AHNAK: variants seen among roughly 807,000 people sequenced by gnomAD.
AHNAK encodes neuroblast differentiation-associated protein AHNAK.
A neutral mutation model predicts 37.8 loss-of-function variants in AHNAK; 23 were observed. That is an observed-to-expected ratio of 0.61 (90% confidence interval 0.44 to 0.86). The LOEUF is 0.86. AHNAK is among the 40% of genes least tolerant of loss of function. AHNAK has a pLI of 0.00. For missense variants in AHNAK, 7,411 were observed against 7,319.4 expected (o/e 1.01, Z -0.46); for synonymous variants, 2,481 against 2,636.3 (o/e 0.94, Z 1.80).
intron 5 of AHNAK, among the ~76,000 whole-genome samples, chr11:62,451,079 G>C (rs1384019763): frequency 6.7e-6 from 1 of 149,990 alleles, no homozygotes; most frequent in Non-Finnish European, 1.5e-5. Flanking sequence ...GTTCTTCCTG[G>C]AATCTTTTTT....
intron 5 of AHNAK, among the ~76,000 whole-genome samples, chr11:62,438,407 T>A (rs1565194155): frequency 6.6e-6 from 1 of 152,054 alleles, no homozygotes; most frequent in Non-Finnish European, 1.5e-5. Context: ...GGTCTCGAAC[T>A]CCTGACAGGT....
intron 4 of AHNAK, among the ~76,000 whole-genome samples, chr11:62,502,821 T>C (rs563521623): frequency 6.6e-6 from 1 of 152,050 alleles, no homozygotes; most frequent in Non-Finnish European, 1.5e-5. Flanking sequence ...GAGAAGAGTA[T>C]GTTAAAAGAG....
At position 62,472,773 on chromosome 11, in the gene AHNAK, C is replaced by A. The variant is rs1393008075; in HGVS notation, c.442+18959G>T. 5.9e-5 allele frequency among the ~76,000 whole-genome samples: 9 copies of A among 152,146 alleles called. No individual in the cohort carries two copies. In the East Asian group the frequency reaches 1.5e-3, roughly 26 times the overall value. On this transcript the variant is annotated intron_variant, in intron 5 of 5. Coordinates refer to the AHNAK transcript ENST00000257247. ...TGTATAACTCCACTTATCTGAGGTA[C>A]CTGCAGTAGTAAAATTCACGAAACA...
chr11:62,539,673 G>A (rs1941064546), intron 1 of AHNAK, among the ~76,000 whole-genome samples: 1 of 152,242 alleles, frequency 6.6e-6, no homozygotes, highest in African/African-American at 2.4e-5. Context: ...CGTGGTTCCT[G>A]AGGAGGGGAG....
At chr11:62,480,155 C>G (rs1288208495) in intron 5 of AHNAK, among the ~76,000 whole-genome samples, 1 of 152,216 alleles carries the variant, frequency 6.6e-6, no homozygotes, top group Admixed American at 6.5e-5. Context: ...GCAGGCTGGA[C>G]CCAGTGGCCA....
At chr11:62,486,286 C>G (rs997919845) in intron 5 of AHNAK, among the ~76,000 whole-genome samples, 1 of 151,938 alleles carries the variant, frequency 6.6e-6, no homozygotes, top group Non-Finnish European at 1.5e-5. Flanking sequence ...ACCAGCCTGA[C>G]CAACATGGAG....
At chr11:62,509,405 C>T (rs538597884) in intron 4 of AHNAK, among the ~76,000 whole-genome samples, 1 of 151,850 alleles carries the variant, frequency 6.6e-6, no homozygotes, top group South Asian at 2.1e-4. Flanking sequence ...AAAAAATTAG[C>T]TGGGTGTGGT....
At position 62,516,906 on chromosome 11, in the gene AHNAK, C is replaced by T; in HGVS notation, c.17511G>A (p.Glu5837=). ...GLGSKSKGHY[E]VTGSDDETGK... is the part of the protein sequence containing the mutation. ...CTGTCTCATCATCGCTCCCAGTCAC[C>T]TCATAATGACCTTTGCTCTTTGACC... The change falls in exon 5 of 5, where the codon GAG becomes GAA. Residue 5837 remains glutamate, a synonymous_variant. Transcript: ENST00000378024. The T allele has an allele frequency of 1.2e-6, 2 of 1,614,158 alleles. No homozygotes were observed. The highest frequency in any genetic ancestry group is 1.7e-6 in the Non-Finnish European group (2 of 1,180,038).
chr11:62,522,389 G>A lies in AHNAK; in HGVS notation c.12028C>T (p.Leu4010=). Residue 4010 remains leucine, a synonymous_variant, in exon 5 of 5, where the codon CTG becomes TTG. Coordinates refer to ENST00000378024, the MANE Select transcript of AHNAK (RefSeq NM_001620.3). The stretch of plus-strand genomic sequence containing the variant: ...TCTCCTTTCACCTTAGGGCCTTTCA[G>A]ATGCAAATCAAAGTCAGGCATGGAG... ...KISMPDFDLH[L]KGPKVKGDVD... 5 of 1,614,096 alleles carry A rather than the reference G, an allele frequency of 3.1e-6. No individual in the cohort carries two copies. Among genetic ancestry groups the A allele is most frequent in the African/African-American group, 1.3e-5 (1 of 75,006 alleles).
Position 62,520,361 on chromosome 11 carries a change from G to A in AHNAK, c.14056C>T (p.Pro4686Ser), listed in dbSNP as rs376608840. ...TCAGGAACATCAACGTCCACTTTGG[G>A]TCCTGAGACATCAATGTCAGCCTTG... ...LPKADIDVSG[P>S]KVDVDVPDVN... Residue 4686 changes from proline (P) to serine (S), a missense_variant, in exon 5 of 5, where the codon CCC becomes TCC. By Grantham distance (74) the Pro-to-Ser change is moderately conservative. Coordinates refer to ENST00000378024, the MANE Select transcript of AHNAK (RefSeq NM_001620.3). 1.2e-5 allele frequency: 19 copies of A among 1,612,294 alleles called. No individual in the cohort carries two copies. The African/African-American group carries it at 2.2e-4, about 18-fold the overall frequency.
chr11:62,460,987 A>ATTTTTTTTTTT (rs58443970), intron 5 of AHNAK, among the ~76,000 whole-genome samples: 27 of 103,620 alleles, frequency 2.6e-4, no homozygotes, highest in African/African-American at 5.7e-4. Flanking sequence ...GGCCTGGCTA[A>ATTTTTTTTTTT]TTTTTTTTTT....
Position 62,517,873 on chromosome 11 carries a change from G to T in AHNAK, c.16544C>A (p.Thr5515Asn), listed in dbSNP as rs764223433. The T allele has an allele frequency of 6.2e-7, 1 of 1,614,132 alleles. No homozygotes were observed. Among genetic ancestry groups the T allele is most frequent in the Non-Finnish European group, 8.5e-7 (1 of 1,180,018 alleles). The part of the protein sequence containing the change: ...NLPGVNVKLP[T>N]GQISGPEIKG... ...GATTTCAGGCCCAGAAATCTGCCCA[G>T]TTGGGAGTTTCACATTCACGCCTGG... Residue 5515 changes from threonine to asparagine, a missense_variant, in exon 5 of 5, where the codon ACT (threonine) becomes AAT (asparagine). Transcript: ENST00000378024.
chr11:62,509,628 GA>G (rs544843910), intron 4 of AHNAK, among the ~76,000 whole-genome samples: 109 of 151,736 alleles, frequency 7.2e-4, no homozygotes, highest in African/African-American at 2.4e-3. Context: ...CCCCAAAGAG[GA>G]AAAAAAGACA....
chr11:62,494,843 T>C (rs1265597177), intron 4 of AHNAK, among the ~76,000 whole-genome samples: 1 of 151,844 alleles, frequency 6.6e-6, no homozygotes, highest in East Asian at 1.9e-4. Flanking sequence ...TCTACTAAAA[T>C]ACAAAAATTA....
At position 62,516,930 on chromosome 11, in the gene AHNAK, C is replaced by T; in HGVS notation, c.17487G>A (p.Gly5829=). ...KLKFGTFGGL[G]SKSKGHYEVT... is the part of the protein sequence containing the mutation. ...CCTCATAATGACCTTTGCTCTTTGA[C>T]CCCAATCCACCAAAGGTACCGAATT... The change falls in exon 5 of 5, where the codon GGG becomes GGA. Residue 5829 remains glycine (G), a synonymous_variant. Coordinates refer to ENST00000378024, the MANE Select transcript of AHNAK (RefSeq NM_001620.3). The T allele has an allele frequency of 6.2e-7, 1 of 1,614,148 alleles. No homozygotes were observed.
rs2134198765 is a variant in AHNAK at position 62,520,212 on chromosome 11, C to G, written c.14205G>C (p.Val4735=). Residue 4735 remains valine (V), a synonymous_variant, in exon 5 of 5, where the codon GTG becomes GTC. Transcript: ENST00000378024. ...GAAGGGTAACATCCACATCGCCCTT[C>G]ACTTTGGGTCCTTTCAGGTTTAAGT... is the stretch of plus-strand genomic sequence containing the variant. ...DIDLNLKGPK[V]KGDVDVTLPK... is the part of the protein sequence containing the mutation. 1 of 1,611,714 alleles carries G rather than the reference C, an allele frequency of 6.2e-7. No homozygotes were observed. The highest frequency in any genetic ancestry group is 1.7e-5 in the Admixed American group (1 of 59,730).
chr11:62,444,084 T>C (rs997903308), intron 5 of AHNAK, among the ~76,000 whole-genome samples: 3 of 152,146 alleles, frequency 2.0e-5, no homozygotes, highest in Admixed American at 6.5e-5. Context: ...GCCTCTTGGC[T>C]CCAGATGTGG....
Position 62,516,341 on chromosome 11 carries a change from T to C in AHNAK, c.*403A>G. 3 of 1,038,422 alleles carry C rather than the reference T, an allele frequency of 2.9e-6. No individual in the cohort carries two copies. Among genetic ancestry groups the C allele is most frequent in the Admixed American group, 2.4e-5 (1 of 42,144 alleles). The allele number at this position is 1,038,422 out of a possible 1,614,324, so 64.3% of individuals were successfully genotyped here. On this transcript the variant is annotated 3_prime_UTR_variant, in exon 5 of 5. Transcript: ENST00000378024. ...CTGCAACCCATCACCCCACCCACCCTTACTAACAAAAGCCCCCAAAGTCAT... is the reference window on the plus strand; with the variant it reads ...CTGCAACCCATCACCCCACCCACCCCTACTAACAAAAGCCCCCAAAGTCAT...
chr11:62,433,968 A>T, intron 5 of AHNAK: 1 of 1,576,810 alleles, frequency 6.3e-7, no homozygotes, highest in Non-Finnish European at 8.6e-7. Context: ...ATGGTTCGTT[A>T]ACTTTGCACC....
Sources: gnomAD v4.1 joint callset for allele counts (sites outside exome capture counted in the v4.1 genomes callset) on GRCh38, gnomAD v4.1.1 for gene constraint, MANE v1.5 for transcripts, NCBI Gene and HGNC (gene_info 2026-07-23, HGNC 2026-07-21) for gene names.